KIFC3: variants seen among roughly 807,000 people sequenced by gnomAD.
KIFC3 encodes kinesin-like protein KIFC3.
Under a neutral mutation model 101.8 loss-of-function variants are expected in KIFC3, and 60 were observed. The ratio of observed to expected loss-of-function variants is 0.59; its 90% confidence interval spans 0.48 to 0.73. The LOEUF (loss-of-function observed/expected upper bound fraction) is 0.73. KIFC3 is among the 30% of genes least tolerant of loss of function. The probability of loss-of-function intolerance (pLI) is 0.00; values close to 1 mark genes in which losing one functional copy is unlikely to be tolerated. For synonymous variants in KIFC3, 476 were observed against 482.7 expected (o/e 0.99, Z 0.18); for missense variants, 966 against 1,137.1 (o/e 0.85, Z 2.16).
At chr16:57,859,308 A>G (rs2056244285) in intron 1 of KIFC3, among the ~76,000 whole-genome samples, 1 of 152,208 alleles carries the variant, frequency 6.6e-6, no homozygotes, top group Non-Finnish European at 1.5e-5. Context: ...TACGCTAAAG[A>G]CACACACCAA....
Position 57,766,367 on chromosome 16 carries a change from A to C in KIFC3, c.1330+507T>G, listed in dbSNP as rs1210728284. The stretch of plus-strand genomic sequence containing the variant: ...CCAGGAAAGCCTGTCTCAGCCCTGG[A>C]AGGGGGCAGGGTTGGGGTTCCCTGA... On this transcript the variant is annotated intron_variant, in intron 10 of 19. Transcript: ENST00000445690. Among the ~76,000 whole-genome samples, 6 of 152,318 alleles carry C rather than the reference A, an allele frequency of 3.9e-5. No homozygotes were observed. The East Asian group carries it at 1.2e-3, about 29-fold the overall frequency.
At chr16:57,805,313 C>T (rs2054910946), upstream of KIFC3, among the ~76,000 whole-genome samples, 1 of 152,138 alleles carries the variant, frequency 6.6e-6, no homozygotes, top group South Asian at 2.1e-4. Context: ...TGTACAATGT[C>T]ATCAGGAACT....
chr16:57,859,513 G>A (rs142680601), intron 1 of KIFC3, among the ~76,000 whole-genome samples: 1 of 152,072 alleles, frequency 6.6e-6, no homozygotes, highest in Non-Finnish European at 1.5e-5. Context: ...CTGTTTTCAC[G>A]AAGCTCTCAG....
At chr16:57,847,760 T>TTTTGTGTG (rs1332540576) in intron 1 of KIFC3, among the ~76,000 whole-genome samples, 2 of 139,708 alleles carry the variant, frequency 1.4e-5, no homozygotes, top group African/African-American at 2.7e-5. Context: ...CCAGATGAAT[T>TTTTGTGTG]TGTGTGTGTG....
chr16:57,851,285 G>A (rs2056052873), intron 1 of KIFC3, among the ~76,000 whole-genome samples: 1 of 152,186 alleles, frequency 6.6e-6, no homozygotes, highest in Non-Finnish European at 1.5e-5. Flanking sequence ...AAAGTGTTAG[G>A]ATGACCAGTG....
chr16:57,782,890 G>A (rs527760897), intron 3 of KIFC3, among the ~76,000 whole-genome samples: 1 of 152,348 alleles, frequency 6.6e-6, no homozygotes, highest in African/African-American at 2.4e-5. Context: ...AGATTGCAGT[G>A]AGCCGAGATT....
Position 57,851,968 on chromosome 16 carries a change from T to A in KIFC3, c.108+10761A>T, listed in dbSNP as rs146135293. ...GTTGGCCAGGCTGGTCTCAAACCCC[T>A]GACCACAAGTGATCCTCTCTCCTCG... is the stretch of plus-strand genomic sequence containing the variant. On this transcript the variant is annotated intron_variant, in intron 1 of 2. Coordinates refer to the KIFC3 transcript ENST00000563028. 3.5e-3 allele frequency among the ~76,000 whole-genome samples: 535 copies of A among 152,278 alleles called. 2 individuals carry two copies. The highest frequency in any genetic ancestry group is 0.012 in the African/African-American group (495 of 41,558).
intron 3 of KIFC3, among the ~76,000 whole-genome samples, chr16:57,777,787 C>T (rs2052291377): frequency 6.6e-6 from 1 of 151,206 alleles, no homozygotes; most frequent in African/African-American, 2.4e-5. Context: ...GACATTAAAA[C>T]AGACATAAAG....
chr16:57,816,194 AG>A (rs1555628750), intron 1 of KIFC3: 2 of 1,277,646 alleles, frequency 1.6e-6, no homozygotes, highest in Middle Eastern at 4.3e-4. Flanking sequence ...TAGTTCATCA[AG>A]TTCTCACAAC....
intron 1 of KIFC3, chr16:57,846,339 T>C (rs449067): frequency 0.75 from 114,507 of 152,346 alleles, 43,276 homozygotes; most frequent in East Asian, 0.93. Context: ...GATACACATC[T>C]TTTCCCTACC....
At chr16:57,773,537 C>G (rs2051582013) in intron 3 of KIFC3, among the ~76,000 whole-genome samples, 1 of 152,144 alleles carries the variant, frequency 6.6e-6, no homozygotes. Context: ...GCTTATAATC[C>G]CAGCTGTAAT....
chr16:57,803,048 C>T (rs1425905850), upstream of KIFC3: 11 of 1,535,654 alleles, frequency 7.2e-6, no homozygotes, highest in Non-Finnish European at 9.6e-6. Flanking sequence ...CGCTCTCACT[C>T]GCTCCACCAC....
intron 1 of KIFC3, among the ~76,000 whole-genome samples, chr16:57,817,957 CT>C (rs1555629180): frequency 6.6e-6 from 1 of 152,172 alleles, no homozygotes; most frequent in African/African-American, 2.4e-5. Context: ...CTCACAGAAG[CT>C]TAGCATTTCA....
At chr16:57,861,530 T>A (rs1326950771) in intron 1 of KIFC3, among the ~76,000 whole-genome samples, 1 of 152,210 alleles carries the variant, frequency 6.6e-6, no homozygotes. Flanking sequence ...CTGGTCTGGA[T>A]GTTCCCAAGG....
intron 1 of KIFC3, among the ~76,000 whole-genome samples, chr16:57,853,046 G>GA (rs2056090014): frequency 6.6e-6 from 1 of 151,750 alleles, no homozygotes; most frequent in Non-Finnish European, 1.5e-5. Flanking sequence ...TGAAGACAAG[G>GA]AAAAAATGTT....
At chr16:57,844,868 C>T (rs2055885760) in intron 1 of KIFC3, among the ~76,000 whole-genome samples, 2 of 152,318 alleles carry the variant, frequency 1.3e-5, no homozygotes, top group South Asian at 4.1e-4. Context: ...ACAAGGCAGG[C>T]ATTCAGTCAT....
At chr16:57,762,045 A>G (rs2049924550) in intron 13 of KIFC3, 95 bp downstream of exon 13, 16 of 1,421,188 alleles carry the variant, frequency 1.1e-5, no homozygotes, top group Non-Finnish European at 1.4e-5. Context: ...CTCCCCACAT[A>G]CTGGGGGTCC....
intron 10 of KIFC3, 25 bp from the exon 11 acceptor site, chr16:57,765,665 T>A: frequency 1.9e-6 from 3 of 1,594,934 alleles, no homozygotes; most frequent in Non-Finnish European, 2.6e-6. Flanking sequence ...GATGGGGAAA[T>A]GGGTCCAGGC....
chr16:57,758,954 G>T, intron 19 of KIFC3, 45 bp from the exon 20 acceptor site: 3 of 1,544,460 alleles, frequency 1.9e-6, no homozygotes, highest in Admixed American at 3.9e-5. Flanking sequence ...CTTGCCCACC[G>T]GCAGCCCACA....
Sources: allele counts gnomAD v4.1 joint callset (sites outside exome capture counted in the v4.1 genomes callset), GRCh38; gene constraint gnomAD v4.1.1; transcripts MANE v1.5; gene names NCBI Gene and HGNC (gene_info 2026-07-23, HGNC 2026-07-21).